Variants in ABCA8 observed in about 807,000 individuals in gnomAD.
ABCA8 encodes the protein ABC-type organic anion transporter ABCA8.
A neutral mutation model predicts 192.3 loss-of-function variants in ABCA8; 177 were observed. The observed-to-expected ratio is 0.92, with a 90% CI of 0.81 to 1.04. ABCA8 has a LOEUF of 1.04. Ranked by LOEUF, ABCA8 falls within the 50% of genes least tolerant of loss-of-function variation. The pLI is 0.00. For missense variants in ABCA8, 1,915 were observed against 1,904.8 expected (o/e 1.01, Z -0.10); for synonymous variants, 642 against 690.2 (o/e 0.93, Z 1.09).
intron 1 of ABCA8, among the ~76,000 whole-genome samples, chr17:68,953,207 A>G (rs2068617339): frequency 6.6e-6 from 1 of 152,202 alleles, no homozygotes; most frequent in Non-Finnish European, 1.5e-5. Context: ...TGTGAAGGAC[A>G]TGACTTGGAA....
intron 13 of ABCA8, 66 bp downstream of exon 13, chr17:68,921,316 G>A (rs889697778): frequency 3.2e-5 from 36 of 1,117,500 alleles, no homozygotes; most frequent in Admixed American, 2.0e-4. Flanking sequence ...TAACCTGCAC[G>A]TTGTGCACAT....
intron 21 of ABCA8, among the ~76,000 whole-genome samples, chr17:68,899,698 G>A (rs2066857899): frequency 6.6e-6 from 1 of 152,014 alleles, no homozygotes; most frequent in South Asian, 2.1e-4. Flanking sequence ...ATGAGCTAAA[G>A]GCAAGGACAT....
In ABCA8 at chr17:68,881,215, A is replaced by G. The variant is rs1174526507; in HGVS notation, c.3947-4T>C. ...CCTAATAATCCTAAAACTTCACCTG[A>G]AAAAAAGGTTACACTTAATATTAAT... On this transcript the variant is annotated splice_polypyrimidine_tract_variant and splice_region_variant and intron_variant, in intron 31 of 39. Transcript: ENST00000586539. 1 of 1,589,540 alleles carries G rather than the reference A, an allele frequency of 6.3e-7. No individual in the cohort carries two copies. The highest frequency in any genetic ancestry group is 1.3e-5 in the African/African-American group (1 of 74,348).
chr17:68,898,243 G>A (rs2066816275), intron 21 of ABCA8, among the ~76,000 whole-genome samples: 1 of 152,156 alleles, frequency 6.6e-6, no homozygotes, highest in South Asian at 2.1e-4. Context: ...CAAAGATGAA[G>A]GTGGTAATAG....
At chr17:68,902,932 ACT>A in intron 20 of ABCA8, 53 bp from the exon 21 acceptor site, 5 of 1,467,088 alleles carry the variant, frequency 3.4e-6, no homozygotes, top group Non-Finnish European at 4.7e-6. Flanking sequence ...CTGATCTAAT[ACT>A]CTCTGAGCAG....
At chr17:68,923,189 A>ATATTAT (rs1555614683) in intron 11 of ABCA8, among the ~76,000 whole-genome samples, 4 of 146,494 alleles carry the variant, frequency 2.7e-5, no homozygotes, top group Non-Finnish European at 6.0e-5. Flanking sequence ...ATTTAATTAG[A>ATATTAT]TATTATTATT....
At chr17:68,934,601 A>C (rs2068002293) in intron 5 of ABCA8, among the ~76,000 whole-genome samples, 1 of 152,204 alleles carries the variant, frequency 6.6e-6, no homozygotes, top group Non-Finnish European at 1.5e-5. Flanking sequence ...TTATGACTAC[A>C]AAAAGTAATT....
rs1009787143 is a variant in ABCA8 at position 68,955,312 on chromosome 17, T to C, written c.-260A>G. 1 of 152,234 alleles carries C rather than the reference T, an allele frequency of 6.6e-6. No individual in the cohort carries two copies. Among genetic ancestry groups the C allele is most frequent in the Non-Finnish European group, 1.5e-5 (1 of 68,034 alleles). The allele number at this position is 152,234 out of a possible 1,614,324, so 9.4% of individuals were successfully genotyped here. A position where few individuals can be genotyped will look rare whatever the true frequency, so the allele number is the denominator to read the frequency against. ...GTTATTCATATTTTCTCCTGGTCTC[T>C]ACCATGTATCTAGAATTTGCTTTAA... On this transcript the variant is annotated 5_prime_UTR_variant, in exon 1 of 40. Coordinates refer to ENST00000586539, the MANE Select transcript of ABCA8 (RefSeq NM_001288985.2).
chr17:68,907,889 A>AG lies in ABCA8; in HGVS notation c.2139-11dup. The stretch of plus-strand genomic sequence containing the variant: ...TTCATTTAACTGCAAGCTGGCATTC[A>AG]GAAAAAAAAAAAAAGACATATGTTA... On this transcript the variant is annotated splice_polypyrimidine_tract_variant and intron_variant, in intron 17 of 39. Coordinates refer to ENST00000586539, the MANE Select transcript of ABCA8 (RefSeq NM_001288985.2). The AG allele has an allele frequency of 7.8e-6, 12 of 1,538,150 alleles. No homozygotes were observed. Among genetic ancestry groups the AG allele is most frequent in the Non-Finnish European group, 1.0e-5 (12 of 1,155,880 alleles).
intron 5 of ABCA8, among the ~76,000 whole-genome samples, chr17:68,935,539 C>CATATATATATATATATATATATATAT (rs1567877214): frequency 9.6e-5 from 4 of 41,826 alleles, no homozygotes; most frequent in African/African-American, 4.1e-4. Context: ...GAGTAGTATT[C>CATATATATATATATATATATATATAT]CTATATATAT....
intron 21 of ABCA8, among the ~76,000 whole-genome samples, chr17:68,898,589 T>C (rs762293457): frequency 6.6e-6 from 1 of 152,158 alleles, no homozygotes; most frequent in Non-Finnish European, 1.5e-5. Flanking sequence ...TTCCCTCTCT[T>C]GTATTAACTC....
At chr17:68,882,137 C>G (rs2066351156) in intron 30 of ABCA8, among the ~76,000 whole-genome samples, 157 bp from the exon 31 acceptor site, 1 of 152,176 alleles carries the variant, frequency 6.6e-6, no homozygotes. Flanking sequence ...ATGCCCTATC[C>G]TAACACTTGC....
intron 37 of ABCA8, among the ~76,000 whole-genome samples, chr17:68,870,652 A>C (rs2066024457): frequency 6.6e-6 from 1 of 152,228 alleles, no homozygotes; most frequent in Non-Finnish European, 1.5e-5. Flanking sequence ...CTCAAGGTTC[A>C]TCTGTGCTGT....
chr17:68,882,641 T>G lies in ABCA8; in HGVS notation c.3786A>C (p.Arg1262Ser). The change falls in exon 30 of 40, where the codon AGA (arginine) becomes AGC (serine). Residue 1262 changes from arginine to serine, a missense_variant. Arg to Ser is a moderately radical substitution (Grantham distance 110, BLOSUM62 -1). Transcript: ENST00000586539. ...EGEDEDVQME[R>S]VRTANALNST... ...AATTCAAGGCATTTGCTGTTCTCAC[T>G]CTTTCCATCTGAACATCTTCATCCT... The G allele has an allele frequency of 6.2e-7, 1 of 1,612,982 alleles. No homozygotes were observed. Among genetic ancestry groups the G allele is most frequent in the African/African-American group, 1.3e-5 (1 of 75,056 alleles).
chr17:68,942,804 T>C (rs934468918), intron 2 of ABCA8, among the ~76,000 whole-genome samples: 1 of 152,226 alleles, frequency 6.6e-6, no homozygotes, highest in African/African-American at 2.4e-5. Flanking sequence ...TCAGTCCATC[T>C]TTATAGTTAT....
At chr17:68,895,050 TA>T in intron 21 of ABCA8, 37 bp from the exon 22 acceptor site, 1 of 1,526,816 alleles carries the variant, frequency 6.5e-7, no homozygotes, top group Non-Finnish European at 8.8e-7. Flanking sequence ...ATCACAAAAC[TA>T]AAAACATTAA....
chr17:68,907,990 G>T, intron 17 of ABCA8, 111 bp from the exon 18 acceptor site: 1 of 1,027,354 alleles, frequency 9.7e-7, no homozygotes, highest in Non-Finnish European at 1.3e-6. Context: ...AAAATCTAAT[G>T]CCAGAAATAG....
chr17:68,881,850 C>T lies in ABCA8; in HGVS notation c.3946+13G>A, dbSNP rs772738750. ...GGGCTCTGAGCCAGAAGTGGAAGAT[C>T]CCTATGGCCAACCTTTTCTAACACA... On this transcript the variant is annotated intron_variant, in intron 31 of 39. Transcript: ENST00000586539. The T allele has an allele frequency of 4.4e-6, 7 of 1,599,784 alleles. No homozygotes were observed. The South Asian group carries it at 6.6e-5, about 15-fold the overall frequency.
chr17:68,868,466 T>C (rs2065970462), intron 38 of ABCA8, 110 bp from the exon 39 acceptor site: 1 of 876,286 alleles, frequency 1.1e-6, no homozygotes, highest in Admixed American at 2.4e-5. Flanking sequence ...TAGGTTAAGG[T>C]AATATTCATT....
Sources: gnomAD v4.1 joint callset for allele counts (sites outside exome capture counted in the v4.1 genomes callset) on GRCh38, gnomAD v4.1.1 for gene constraint, MANE v1.5 for transcripts, NCBI Gene and HGNC (gene_info 2026-07-23, HGNC 2026-07-21) for gene names.